Variants in KIF21A observed in about 807,000 individuals in gnomAD.
KIF21A encodes the protein kinesin family member 21A, also known as kinesin-like protein KIF21A.
A neutral mutation model predicts 202.9 loss-of-function variants in KIF21A; 114 were observed. That is an observed-to-expected ratio of 0.56 (90% CI 0.48 to 0.66). The LOEUF (loss-of-function observed/expected upper bound fraction) is 0.66, where lower values mean the gene tolerates loss of function less well. Ranked by LOEUF, KIF21A falls within the 30% of genes least tolerant of loss-of-function variation. KIF21A has a pLI of 0.00. For synonymous variants in KIF21A, 667 were observed against 670.8 expected (o/e 0.99, Z 0.09); for missense variants, 1,677 against 1,994.9 (o/e 0.84, Z 3.04).
intron 24 of KIF21A, among the ~76,000 whole-genome samples, chr12:39,328,669 C>T (rs1946200788): frequency 2.6e-5 from 4 of 152,054 alleles, no homozygotes. Context: ...TCCCTCATTC[C>T]ATGTCATGAA....
chr12:39,409,047 G>A (rs1952854335), intron 1 of KIF21A, among the ~76,000 whole-genome samples: 1 of 151,570 alleles, frequency 6.6e-6, no homozygotes, highest in African/African-American at 2.4e-5. Flanking sequence ...TGTTGCCCAG[G>A]CTGGTCTCTA....
intron 1 of KIF21A, among the ~76,000 whole-genome samples, chr12:39,421,817 G>T (rs1954306957): frequency 7.0e-6 from 1 of 141,986 alleles, no homozygotes; most frequent in African/African-American, 2.6e-5. Flanking sequence ...ATAATTATAT[G>T]TATAATTTTA....
chr12:39,430,008 A>C (rs1937637783), intron 1 of KIF21A, among the ~76,000 whole-genome samples: 1 of 152,114 alleles, frequency 6.6e-6, no homozygotes, highest in African/African-American at 2.4e-5. Flanking sequence ...AGGCTCATAA[A>C]AGTTAAGTGG....
chr12:39,369,639 C>A (rs1450777974), intron 3 of KIF21A, 90 bp downstream of exon 3: 7 of 922,482 alleles, frequency 7.6e-6, no homozygotes, highest in Non-Finnish European at 1.2e-5. Context: ...ATCTTCAAAG[C>A]ACTATACTTG....
chr12:39,363,528 C>G (rs1436669102), intron 6 of KIF21A, among the ~76,000 whole-genome samples: 4 of 152,078 alleles, frequency 2.6e-5, no homozygotes, highest in Non-Finnish European at 5.9e-5. Flanking sequence ...AGAAAATTGT[C>G]CATTCATGTT....
rs112065212 is a variant in KIF21A at position 39,361,896 on chromosome 12, A to G, written c.1019+1202T>C. Reference sequence around the variant, plus strand: ...TTATTTGGATAATAGTTGTTGATACAGTTTGGATCTGTGCCCTCACACAAA... The same window carrying G: ...TTATTTGGATAATAGTTGTTGATACGGTTTGGATCTGTGCCCTCACACAAA... On this transcript the variant is annotated intron_variant, in intron 7 of 37. Transcript: ENST00000361418. Among the ~76,000 whole-genome samples, 394 of 152,286 alleles carry G rather than the reference A, an allele frequency of 2.6e-3. 3 individuals carry two copies. Among genetic ancestry groups the G allele is most frequent in the African/African-American group, 8.6e-3 (359 of 41,560 alleles).
intron 1 of KIF21A, among the ~76,000 whole-genome samples, chr12:39,433,201 T>C (rs1004878245): frequency 6.6e-6 from 1 of 152,168 alleles, no homozygotes; most frequent in Non-Finnish European, 1.5e-5. Flanking sequence ...TTGAGATCAT[T>C]AGACAGGCTT....
At chr12:39,370,910 A>C (rs1949909624) in intron 1 of KIF21A, among the ~76,000 whole-genome samples, 1 of 152,136 alleles carries the variant, frequency 6.6e-6, no homozygotes, top group Admixed American at 6.5e-5. Context: ...GATTGGTTTC[A>C]CATTGGTTTC....
intron 29 of KIF21A, 100 bp downstream of exon 29, chr12:39,317,973 C>T (rs2137579193): frequency 8.2e-7 from 1 of 1,213,050 alleles, no homozygotes; most frequent in East Asian, 2.4e-5. Flanking sequence ...ACGTCAGGCT[C>T]CATCTCCTAC....
chr12:39,311,399 T>A lies in KIF21A; in HGVS notation c.4096+18A>T, dbSNP rs74088344. ...AAAAAAAAGCTATTAAATATCTGCA[T>A]TAGATAACTACTAGCACCTTTTGAT... On this transcript the variant is annotated intron_variant, in intron 32 of 37. Transcript: ENST00000361418. The A allele has an allele frequency of 6.7e-4, 1,085 of 1,608,666 alleles. 5 individuals carry two copies. In the African/African-American group the frequency reaches 0.013, roughly 19 times the overall value.
At chr12:39,438,900 TTAAC>T (rs1939185547) in intron 1 of KIF21A, among the ~76,000 whole-genome samples, 1 of 152,170 alleles carries the variant, frequency 6.6e-6, no homozygotes, top group Admixed American at 6.5e-5. Context: ...TCTTTTTGAG[TTAAC>T]TGTTTGGTTC....
At chr12:39,313,677 C>T (rs1489497172) in intron 31 of KIF21A, among the ~76,000 whole-genome samples, 1 of 151,684 alleles carries the variant, frequency 6.6e-6, no homozygotes, top group Non-Finnish European at 1.5e-5. Context: ...AAGAACTGGA[C>T]ATTATATTGC....
chr12:39,394,166 C>T (rs746560646), intron 1 of KIF21A, among the ~76,000 whole-genome samples: 2 of 152,190 alleles, frequency 1.3e-5, no homozygotes, highest in African/African-American at 4.8e-5. Context: ...AGCCAGGCAG[C>T]GCTTTTTCTA....
chr12:39,416,711 G>GTGTATATATATGTACATATATA (rs1953696098), intron 1 of KIF21A, among the ~76,000 whole-genome samples: 1 of 86,422 alleles, frequency 1.2e-5, no homozygotes, highest in African/African-American at 7.9e-5. Flanking sequence ...ACATATATAT[G>GTGTATATATATGTACATATATA]TGTGTATATA....
At chr12:39,308,683 A>C (rs1016058867) in intron 33 of KIF21A, among the ~76,000 whole-genome samples, 8 of 152,156 alleles carry the variant, frequency 5.3e-5, no homozygotes, top group Non-Finnish European at 1.0e-4. Flanking sequence ...TTTCTTAGCT[A>C]ACTTCTAAAA....
intron 15 of KIF21A, 83 bp downstream of exon 15, chr12:39,340,823 T>C (rs1327691914): frequency 2.1e-6 from 2 of 971,894 alleles, no homozygotes; most frequent in Admixed American, 2.3e-5. Flanking sequence ...ACGGCTTCTA[T>C]TTTTTTTCTT....
intron 7 of KIF21A, 44 bp downstream of exon 7, chr12:39,363,054 T>C: frequency 1.7e-6 from 2 of 1,186,996 alleles, no homozygotes; most frequent in East Asian, 2.3e-5. Context: ...TATTTAATAA[T>C]GAATAATCAA....
At chr12:39,349,768 T>C (rs1948214574) in intron 11 of KIF21A, among the ~76,000 whole-genome samples, 1 of 152,088 alleles carries the variant, frequency 6.6e-6, no homozygotes, top group African/African-American at 2.4e-5. Flanking sequence ...CATTTGATTA[T>C]AGTGTGGTAA....
chr12:39,433,609 T>C (rs978952856), intron 1 of KIF21A, among the ~76,000 whole-genome samples: 2 of 152,176 alleles, frequency 1.3e-5, no homozygotes, highest in African/African-American at 4.8e-5. Context: ...TTACATTAGG[T>C]TGAGCAACTA....
Sources: gnomAD v4.1 joint callset for allele counts (sites outside exome capture counted in the v4.1 genomes callset) on GRCh38, gnomAD v4.1.1 for gene constraint, MANE v1.5 for transcripts, NCBI Gene and HGNC (gene_info 2026-07-23, HGNC 2026-07-21) for gene names.